The following KIAA1328 variants were observed in gnomAD, a reference collection of about 807,000 sequenced individuals.
KIAA1328 encodes the protein protein hinderin.
A neutral mutation model predicts 68.1 loss-of-function variants in KIAA1328; 52 were observed. That is an observed-to-expected ratio of 0.76 (90% CI 0.61 to 0.96). The LOEUF (loss-of-function observed/expected upper bound fraction) is 0.96. Ranked by LOEUF, KIAA1328 falls within the 40% of genes least tolerant of loss-of-function variation. KIAA1328 has a pLI of 0.00. For missense variants in KIAA1328, 641 were observed against 677.6 expected (o/e 0.95, Z 0.60); for synonymous variants, 232 against 239.4 (o/e 0.97, Z 0.28).
intron 6 of KIAA1328, among the ~76,000 whole-genome samples, chr18:36,960,429 G>A (rs777839919): frequency 8.5e-5 from 13 of 152,224 alleles, no homozygotes; most frequent in Non-Finnish European, 1.8e-4. Context: ...AAACATCCCT[G>A]TCTGACAGCT....
intron 7 of KIAA1328, among the ~76,000 whole-genome samples, chr18:37,104,892 G>C (rs1295930761): frequency 6.6e-6 from 1 of 152,254 alleles, no homozygotes; most frequent in East Asian, 1.9e-4. Flanking sequence ...CAAATTACTA[G>C]AGCCATTTTG....
At chr18:37,206,750 A>G (rs912491706) in intron 9 of KIAA1328, among the ~76,000 whole-genome samples, 5 of 152,210 alleles carry the variant, frequency 3.3e-5, no homozygotes, top group Non-Finnish European at 5.9e-5. Context: ...TATTCACCCA[A>G]TAAAGCTGGT....
At chr18:37,111,996 G>A (rs1267015803) in intron 7 of KIAA1328, among the ~76,000 whole-genome samples, 1 of 152,302 alleles carries the variant, frequency 6.6e-6, no homozygotes. Flanking sequence ...CATTGCTAAG[G>A]CTTGAGTAGG....
chr18:37,196,022 G>C (rs1402239601), intron 9 of KIAA1328, among the ~76,000 whole-genome samples: 1 of 151,286 alleles, frequency 6.6e-6, no homozygotes, highest in African/African-American at 2.4e-5. Context: ...TCTTTTTTTG[G>C]TTAAATTTAT....
chr18:36,918,897 T>C (rs978643381), intron 5 of KIAA1328, among the ~76,000 whole-genome samples: 4 of 152,222 alleles, frequency 2.6e-5, no homozygotes, highest in African/African-American at 7.2e-5. Context: ...TTTTTACTGT[T>C]ATTAACATTT....
At chr18:36,910,197 A>G (rs1391453476) in intron 5 of KIAA1328, among the ~76,000 whole-genome samples, 2 of 152,050 alleles carry the variant, frequency 1.3e-5, no homozygotes, top group Non-Finnish European at 2.9e-5. Flanking sequence ...GTCCTTGCCC[A>G]TGCCTATGTC....
intron 6 of KIAA1328, among the ~76,000 whole-genome samples, chr18:36,977,740 T>A (rs1002937005): frequency 6.6e-6 from 1 of 152,152 alleles, no homozygotes; most frequent in Non-Finnish European, 1.5e-5. Context: ...CAGAAGGCTC[T>A]GCATATAGTC....
intron 9 of KIAA1328, among the ~76,000 whole-genome samples, chr18:37,175,091 T>C (rs2059574411): frequency 6.6e-6 from 1 of 152,216 alleles, no homozygotes; most frequent in Non-Finnish European, 1.5e-5. Flanking sequence ...GGCTGAAAGC[T>C]TGTGCTCAGA....
intron 9 of KIAA1328, among the ~76,000 whole-genome samples, chr18:37,179,915 C>T (rs974319635): frequency 2.0e-5 from 3 of 151,952 alleles, no homozygotes; most frequent in Non-Finnish European, 4.4e-5. Context: ...GACACTATTT[C>T]GTTTCCCATA....
chr18:37,009,322 A>G (rs2053892690), intron 6 of KIAA1328, among the ~76,000 whole-genome samples: 1 of 152,172 alleles, frequency 6.6e-6, no homozygotes, highest in Non-Finnish European at 1.5e-5. Context: ...GGTGGCACTG[A>G]GGTACAGTTC....
At chr18:37,166,692 C>G (rs1244245760) in intron 8 of KIAA1328, among the ~76,000 whole-genome samples, 3 of 152,138 alleles carry the variant, frequency 2.0e-5, no homozygotes, top group Non-Finnish European at 4.4e-5. Flanking sequence ...AAAGGGCTGA[C>G]ACATGGAGCC....
chr18:37,177,710 T>C lies in KIAA1328; in HGVS notation c.1523+4629T>C, dbSNP rs959342859. On this transcript the variant is annotated intron_variant, in intron 9 of 9. Coordinates refer to ENST00000280020, the MANE Select transcript of KIAA1328 (RefSeq NM_020776.3). ...TTTGTTTTGTTTCTTTTTGAGTTAC[T>C]GGTGGGGAGAGGTGTTGATTTTGTG... Among the ~76,000 whole-genome samples, 3 of 152,150 alleles carry C rather than the reference T, an allele frequency of 2.0e-5. No homozygotes were observed. The East Asian group carries it at 5.8e-4, about 29-fold the overall frequency.
At chr18:36,854,054 C>A (rs1195115084) in intron 4 of KIAA1328, among the ~76,000 whole-genome samples, 1 of 152,160 alleles carries the variant, frequency 6.6e-6, no homozygotes, top group African/African-American at 2.4e-5. Context: ...TGTTTGGAGA[C>A]AGGTCCTTAA....
intron 5 of KIAA1328, 116 bp from the exon 6 acceptor site, chr18:36,959,192 C>T (rs182625854): frequency 2.0e-4 from 193 of 974,434 alleles, no homozygotes; most frequent in African/African-American, 8.0e-4. Flanking sequence ...TTATGACTCT[C>T]GCCAAATATG....
intron 5 of KIAA1328, among the ~76,000 whole-genome samples, chr18:36,935,455 C>A (rs1177259747): frequency 6.6e-6 from 1 of 152,148 alleles, no homozygotes; most frequent in African/African-American, 2.4e-5. Flanking sequence ...CCAAATTATG[C>A]CATTTTTTGC....
intron 5 of KIAA1328, among the ~76,000 whole-genome samples, chr18:36,906,511 C>T (rs1427635689): frequency 6.6e-6 from 1 of 152,052 alleles, no homozygotes; most frequent in African/African-American, 2.4e-5. Flanking sequence ...TATATTTTTT[C>T]ATTGCCTAAT....
chr18:36,906,569 C>A (rs1186160872), intron 5 of KIAA1328, among the ~76,000 whole-genome samples: 1 of 151,932 alleles, frequency 6.6e-6, no homozygotes, highest in Non-Finnish European at 1.5e-5. Context: ...TATGGATATA[C>A]CATAGTTTGC....
intron 7 of KIAA1328, among the ~76,000 whole-genome samples, chr18:37,153,209 A>C (rs150775899): frequency 6.6e-6 from 1 of 152,214 alleles, no homozygotes; most frequent in Non-Finnish European, 1.5e-5. Flanking sequence ...ACGGAACCAG[A>C]ATACCCACTC....
chr18:36,840,092 G>C (rs1276051125), intron 3 of KIAA1328, among the ~76,000 whole-genome samples: 1 of 152,118 alleles, frequency 6.6e-6, no homozygotes, highest in Non-Finnish European at 1.5e-5. Flanking sequence ...ACTCCCAGCT[G>C]TATCTTTTCA....
Sources: allele counts gnomAD v4.1 joint callset (sites outside exome capture counted in the v4.1 genomes callset), GRCh38; gene constraint gnomAD v4.1.1; transcripts MANE v1.5; gene names NCBI Gene and HGNC (gene_info 2026-07-23, HGNC 2026-07-21).